NECTIN1: variants seen among roughly 807,000 people sequenced by gnomAD.
NECTIN1 encodes nectin-1.
Under a neutral mutation model 48.0 loss-of-function variants are expected in NECTIN1, and 23 were observed. The ratio of observed to expected loss-of-function variants is 0.48; its 90% CI spans 0.34 to 0.68. NECTIN1 has a LOEUF of 0.68. Ranked by LOEUF, NECTIN1 falls within the 30% of genes least tolerant of loss-of-function variation. The pLI is 0.01. For synonymous variants in NECTIN1, 270 were observed against 288.9 expected, an observed-to-expected ratio of 0.93 and a Z score of 0.66; for missense variants, 591 against 709.9, an observed-to-expected ratio of 0.83 and a Z score of 1.90.
intron 5 of NECTIN1, chr11:119,640,061 C>T (rs1290641332): frequency 6.5e-7 from 1 of 1,538,054 alleles, no homozygotes; most frequent in South Asian, 1.2e-5. Context: ...ACTCAAGTGA[C>T]CCAAAGAGAG....
downstream of NECTIN1, among the ~76,000 whole-genome samples, chr11:119,658,839 C>T (rs1864616698): frequency 6.6e-6 from 1 of 152,330 alleles, no homozygotes; most frequent in Non-Finnish European, 1.5e-5. Context: ...CCTCCTGCTG[C>T]TCTCAGGATG....
rs773242843 is a variant in NECTIN1 at position 119,678,678 on chromosome 11, G to A, written c.167C>T (p.Pro56Leu). The A allele has an allele frequency of 1.6e-5, 26 of 1,613,872 alleles. No homozygotes were observed. Among genetic ancestry groups the A allele is most frequent in the Middle Eastern group, 1.6e-4 (1 of 6,082 alleles). The change falls in exon 2 of 6, where the codon CCG (proline) becomes CTG (leucine). Residue 56 changes from proline (P) to leucine (L), a missense_variant. Coordinates refer to ENST00000264025, the MANE Select transcript of NECTIN1 (RefSeq NM_002855.5). This position sits in a 1 kb window ranked among gnomAD's most constrained non-coding sequence, Gnocchi z 4.4. ...DVVLHCSFAN[P>L]LPSVKITQVT... The stretch of plus-strand genomic sequence containing the variant: ...CTGGGTGATCTTCACGCTGGGAAGC[G>A]GGTTGGCAAAGCTGCAGTGCAGAAC...
intron 1 of NECTIN1, among the ~76,000 whole-genome samples, chr11:119,704,800 T>C (rs1339020394): frequency 6.6e-6 from 1 of 152,210 alleles, no homozygotes; most frequent in Non-Finnish European, 1.5e-5. Context: ...GAAAAAGGGC[T>C]GAGAGCTCAG....
At chr11:119,688,799 CTG>C (rs1865205611) in intron 1 of NECTIN1, among the ~76,000 whole-genome samples, 2 of 151,896 alleles carry the variant, frequency 1.3e-5, no homozygotes, top group Admixed American at 6.6e-5. Context: ...AGTCTGGGCT[CTG>C]TAGGAGGGGC....
At chr11:119,654,410 G>A (rs1364292066) in intron 5 of NECTIN1, among the ~76,000 whole-genome samples, 1 of 152,092 alleles carries the variant, frequency 6.6e-6, no homozygotes, top group Non-Finnish European at 1.5e-5. Flanking sequence ...TGTGTAAGAG[G>A]GGGTAGGCCA....
intron 1 of NECTIN1, among the ~76,000 whole-genome samples, chr11:119,710,223 C>T (rs1374935159): frequency 6.6e-6 from 1 of 152,206 alleles, no homozygotes; most frequent in East Asian, 1.9e-4. Flanking sequence ...CTGAACGCTG[C>T]GGTATGCACA....
rs1407647659 is a variant in NECTIN1 at position 119,729,068 on chromosome 11, G to T, written c.-515C>A. On this transcript the variant is annotated 5_prime_UTR_variant, in exon 1 of 6. Coordinates refer to ENST00000264025, the MANE Select transcript of NECTIN1 (RefSeq NM_002855.5). ...CGCGGGGCTCGGCGGTCGGCGGCCC[G>T]GGTGGCTCTGGCTGCGCGGCCGGGC... The T allele has an allele frequency of 1.3e-5, 2 of 150,886 alleles. No homozygotes were observed. The highest frequency in any genetic ancestry group is 1.8e-4 in the South Asian group (1 of 5,544). 9.3% of individuals were successfully genotyped at this position (150,886 alleles called of 1,614,324 possible).
At chr11:119,692,330 C>T (rs940176199) in intron 1 of NECTIN1, among the ~76,000 whole-genome samples, 2 of 152,218 alleles carry the variant, frequency 1.3e-5, no homozygotes, top group African/African-American at 4.8e-5. Context: ...TGCTTCCCTT[C>T]CCTTCCCTCC....
chr11:119,681,019 G>A (rs923594743), intron 1 of NECTIN1, among the ~76,000 whole-genome samples: 1 of 152,212 alleles, frequency 6.6e-6, no homozygotes, highest in Non-Finnish European at 1.5e-5. Flanking sequence ...CTGGCCTCCC[G>A]AGTCCCAGTG....
At chr11:119,643,424 G>A (rs894888128) in intron 5 of NECTIN1, among the ~76,000 whole-genome samples, 9 of 152,204 alleles carry the variant, frequency 5.9e-5, no homozygotes, top group Admixed American at 2.6e-4. Flanking sequence ...TAAGTAATTC[G>A]TTCAGGATCG....
At chr11:119,640,203 G>T (rs1591433794) in intron 5 of NECTIN1, 3 of 641,368 alleles carry the variant, frequency 4.7e-6, no homozygotes, top group Middle Eastern at 4.1e-4. Flanking sequence ...TCCTCCTCTA[G>T]TTCCCTATGA....
At chr11:119,657,774 A>ATAATAATAATACTAC (rs1307590815), downstream of NECTIN1, among the ~76,000 whole-genome samples, 6 of 146,998 alleles carry the variant, frequency 4.1e-5, no homozygotes, top group African/African-American at 1.2e-4. Flanking sequence ...AATAATAATA[A>ATAATAATAATACTAC]TACTAGCTGG....
chr11:119,728,543 A>G lies in NECTIN1; in HGVS notation c.11T>C (p.Met4Thr). The change falls in exon 1 of 6, where the codon ATG (methionine) becomes ACG (threonine). Residue 4 changes from methionine to threonine, a missense_variant. Coordinates refer to ENST00000264025, the MANE Select transcript of NECTIN1 (RefSeq NM_002855.5). Reference protein sequence around the residue: MARMGLAGAAGRWW... With the variant: MARTGLAGAAGRWW... ...GCGTCCAGCGGCGCCCGCAAGCCCCATCCGAGCCATCGGGGGCCGGGGGTC... is the reference window on the plus strand; with the variant it reads ...GCGTCCAGCGGCGCCCGCAAGCCCCGTCCGAGCCATCGGGGGCCGGGGGTC... The G allele has an allele frequency of 6.3e-7, 1 of 1,582,794 alleles. No homozygotes were observed. Among genetic ancestry groups the G allele is most frequent in the South Asian group, 1.1e-5 (1 of 87,312 alleles).
chr11:119,660,565 C>G (rs367637284), downstream of NECTIN1, among the ~76,000 whole-genome samples: 4 of 152,258 alleles, frequency 2.6e-5, no homozygotes, highest in African/African-American at 9.6e-5. Flanking sequence ...CAAACAGCCA[C>G]AGGAGGGGAC....
intron 5 of NECTIN1, among the ~76,000 whole-genome samples, chr11:119,648,257 TG>T: frequency 1.3e-5 from 1 of 77,448 alleles, no homozygotes; most frequent in Non-Finnish European, 2.8e-5. Context: ...GTGATAGAGG[TG>T]GTAATAGTGG....
chr11:119,705,276 G>C (rs1239450034), intron 1 of NECTIN1, among the ~76,000 whole-genome samples: 2 of 152,198 alleles, frequency 1.3e-5, no homozygotes, highest in East Asian at 1.9e-4. Context: ...TATTCCTGCT[G>C]TCATTCAGTA....
At chr11:119,647,805 G>A (rs1269060246) in intron 5 of NECTIN1, among the ~76,000 whole-genome samples, 3 of 152,140 alleles carry the variant, frequency 2.0e-5, no homozygotes, top group African/African-American at 7.2e-5. Flanking sequence ...GCTCACGCCT[G>A]TAATCCCAGC....
chr11:119,661,562 G>A lies in NECTIN1; in HGVS notation c.*3185C>T, dbSNP rs778138067. On this transcript the variant is annotated 3_prime_UTR_variant, in exon 6 of 6. Coordinates refer to ENST00000264025, the MANE Select transcript of NECTIN1 (RefSeq NM_002855.5). ...CCTCCTCCCAGAAGAGGGGACATCC[G>A]TGTCTGCTTGGCTCAGCAGAGCTGC... 20 of 985,856 alleles carry A rather than the reference G, an allele frequency of 2.0e-5. No individual in the cohort carries two copies. Among genetic ancestry groups the A allele is most frequent in the African/African-American group, 8.7e-5 (5 of 57,348 alleles). The allele number at this position is 985,856 out of a possible 1,614,324, so 61.1% of individuals were successfully genotyped here. A position where few individuals can be genotyped will look rare whatever the true frequency, so the allele number is the denominator to read the frequency against.
downstream of NECTIN1, among the ~76,000 whole-genome samples, chr11:119,656,126 T>C (rs529961511): frequency 6.6e-6 from 1 of 151,718 alleles, no homozygotes; most frequent in South Asian, 2.1e-4. Context: ...AAACTCCCGG[T>C]CTCAAGCGAT....
Sources: allele counts gnomAD v4.1 joint callset (sites outside exome capture counted in the v4.1 genomes callset), GRCh38; gene constraint gnomAD v4.1.1; non-coding constraint Gnocchi (gnomAD v3.1); transcripts MANE v1.5; gene names NCBI Gene and HGNC (gene_info 2026-07-23, HGNC 2026-07-21).